The following ADCYAP1R1 variants were observed in gnomAD, a reference collection of about 807,000 sequenced individuals.
ADCYAP1R1 encodes the protein ADCYAP receptor type I.
Under a neutral mutation model 67.6 loss-of-function variants are expected in ADCYAP1R1, and 44 were observed. That is an observed-to-expected ratio of 0.65 (90% CI 0.51 to 0.84). The LOEUF is 0.84. ADCYAP1R1 is among the 40% of genes least tolerant of loss of function. ADCYAP1R1 has a pLI of 0.00. For missense variants in ADCYAP1R1, 477 were observed against 587.9 expected (o/e 0.81, Z 1.95); for synonymous variants, 222 against 219.6 (o/e 1.01, Z -0.10).
Position 31,084,037 on chromosome 7 carries a change from A to T in ADCYAP1R1, c.329-104A>T, listed in dbSNP as rs149789156. ...CTTTCCCCATGCTTCCCAGTTGGTCATAGGGGTTTCCAGGAATTCCCACTG... is the reference window on the plus strand; with the variant it reads ...CTTTCCCCATGCTTCCCAGTTGGTCTTAGGGGTTTCCAGGAATTCCCACTG... On this transcript the variant is annotated intron_variant, in intron 6 of 15. Coordinates refer to ENST00000304166, the MANE Select transcript of ADCYAP1R1 (RefSeq NM_001118.5). The T allele has an allele frequency of 4.2e-4, 388 of 934,598 alleles. 1 individual carries two copies. The African/African-American group carries it at 5.3e-3, about 13-fold the overall frequency. 57.9% of individuals were successfully genotyped at this position (934,598 alleles called of 1,614,324 possible).
chr7:31,103,482 G>A, intron 14 of ADCYAP1R1, 116 bp downstream of exon 14: 1 of 1,431,856 alleles, frequency 7.0e-7, no homozygotes, highest in Non-Finnish European at 9.5e-7. Context: ...CTAGAGTAGA[G>A]GTGATGAGGG....
In ADCYAP1R1 at chr7:31,088,177, C is replaced by T. The variant is rs139915139; in HGVS notation, c.954+481C>T. 4.9e-4 allele frequency among the ~76,000 whole-genome samples: 74 copies of T among 152,336 alleles called. No homozygotes were observed. The Middle Eastern group carries it at 0.014, about 28-fold the overall frequency. ...AATTTTAATGTACATTTCTCCATCTCGCTAGCGTAACTGAGCACTTGTTTC... is the reference window on the plus strand; with the variant it reads ...AATTTTAATGTACATTTCTCCATCTTGCTAGCGTAACTGAGCACTTGTTTC... On this transcript the variant is annotated intron_variant, in intron 12 of 15. Coordinates refer to ENST00000304166, the MANE Select transcript of ADCYAP1R1 (RefSeq NM_001118.5).
chr7:31,101,609 T>C (rs59634555), intron 13 of ADCYAP1R1, among the ~76,000 whole-genome samples: 3,343 of 152,334 alleles, frequency 0.022, 87 homozygotes, highest in East Asian at 0.091. Context: ...AAGCACCCTC[T>C]GTTGCCTTCT....
At chr7:31,069,981 A>G (rs73688752) in intron 3 of ADCYAP1R1, among the ~76,000 whole-genome samples, 1,677 of 152,306 alleles carry the variant, frequency 0.011, 35 homozygotes, top group African/African-American at 0.038. Flanking sequence ...GCCAATACCA[A>G]GTTGGCTCTG....
At position 31,056,133 on chromosome 7, in the gene ADCYAP1R1, A is replaced by T. The variant is rs188870349; in HGVS notation, c.-72+3455A>T. Among the ~76,000 whole-genome samples the T allele has an allele frequency of 1.5e-4, 23 of 152,238 alleles. No individual in the cohort carries two copies. In the East Asian group the frequency reaches 4.3e-3, roughly 28 times the overall value. On this transcript the variant is annotated intron_variant, in intron 1 of 15. Coordinates refer to ENST00000304166, the MANE Select transcript of ADCYAP1R1 (RefSeq NM_001118.5). ...ACAAGACTCGAAACTCACAATGAAC[A>T]TGATGAGACCTGAAACAGCTCCAAG...
At chr7:31,103,637 G>A (rs1796522524) in intron 14 of ADCYAP1R1, among the ~76,000 whole-genome samples, 1 of 152,210 alleles carries the variant, frequency 6.6e-6, no homozygotes, top group Admixed American at 6.5e-5. Context: ...CCAGCAGCCT[G>A]GGGTGCAGGG....
In ADCYAP1R1 at chr7:31,075,824, G is replaced by A. The variant is rs148415839; in HGVS notation, c.158-2167G>A. On this transcript the variant is annotated intron_variant, in intron 3 of 15. Transcript: ENST00000304166. Reference sequence around the variant, plus strand: ...TTTGTGTACCTGTGGTCTCAGTGAGGGGTCCTGAGCCTCTTCACTGAGTAG... The same window carrying A: ...TTTGTGTACCTGTGGTCTCAGTGAGAGGTCCTGAGCCTCTTCACTGAGTAG... 5.9e-3 allele frequency among the ~76,000 whole-genome samples: 891 copies of A among 152,282 alleles called. 8 individuals carry two copies. The highest frequency in any genetic ancestry group is 0.021 in the African/African-American group (853 of 41,552).
chr7:31,107,024 G>A lies in ADCYAP1R1; in HGVS notation c.*340G>A, dbSNP rs544757591. 87 of 267,244 alleles carry A rather than the reference G, an allele frequency of 3.3e-4. No individual in the cohort carries two copies. The highest frequency in any genetic ancestry group is 5.1e-4 in the Non-Finnish European group (73 of 143,448). 16.6% of individuals were successfully genotyped at this position (267,244 alleles called of 1,614,324 possible). ...CCCCACTGTTTCTTGGTCAGCCTCA[G>A]TGATGGCCTGACCCCAGCTGTGAGG... On this transcript the variant is annotated 3_prime_UTR_variant, in exon 16 of 16. Transcript: ENST00000304166.
rs1384486416 is a variant in ADCYAP1R1 at position 31,109,971 on chromosome 7, C to T, written c.*3287C>T. 1 of 152,224 alleles carries T rather than the reference C, an allele frequency of 6.6e-6. No homozygotes were observed. The highest frequency in any genetic ancestry group is 2.0e-4 in the East Asian group (1 of 5,122). 9.4% of individuals were successfully genotyped at this position (152,224 alleles called of 1,614,324 possible). On this transcript the variant is annotated 3_prime_UTR_variant, in exon 16 of 16. Coordinates refer to ENST00000304166, the MANE Select transcript of ADCYAP1R1 (RefSeq NM_001118.5). ...ACAGCGACTCTTCTCTAACCCCACC[C>T]CCTCCAAGCTGGGTTCTTTGTGGAA... is the stretch of plus-strand genomic sequence containing the variant.
At chr7:31,058,827 A>G in intron 1 of ADCYAP1R1, among the ~76,000 whole-genome samples, 1 of 152,094 alleles carries the variant, frequency 6.6e-6, no homozygotes, top group East Asian at 1.9e-4. Flanking sequence ...GGAGTGCACC[A>G]ACTTTGGAGC....
chr7:31,086,025 A>C lies in ADCYAP1R1; in HGVS notation c.670-359A>C, dbSNP rs1317234420. 2.0e-5 allele frequency among the ~76,000 whole-genome samples: 3 copies of C among 152,174 alleles called. No individual in the cohort carries two copies. ...GTATCCCCCCACCTGAAAGGTGTCC[A>C]AATCCTCATTATACCAAGGAGCCTC... On this transcript the variant is annotated intron_variant, in intron 9 of 15. Transcript: ENST00000304166. This position sits in a 1 kb window ranked among gnomAD's most constrained non-coding sequence, Gnocchi z 5.0.
At chr7:31,073,407 T>G (rs557971379) in intron 3 of ADCYAP1R1, among the ~76,000 whole-genome samples, 59 of 152,250 alleles carry the variant, frequency 3.9e-4, no homozygotes, top group African/African-American at 1.4e-3. Flanking sequence ...AAAGGCATCT[T>G]GAAATCTTCC....
rs752162788 is a variant in ADCYAP1R1 at position 31,092,651 on chromosome 7, T to A, written c.962T>A (p.Phe321Tyr). 4 of 1,608,512 alleles carry A rather than the reference T, an allele frequency of 2.5e-6. No individual in the cohort carries two copies. The highest frequency in any genetic ancestry group is 3.4e-6 in the Non-Finnish European group (4 of 1,179,022). ...TTTTTTTTTGCTCCTTAGGTTAACT[T>A]TGTGCTTTTTATTGGCATTATCGTC... ...GPVVGSIMVN[F>Y]VLFIGIIVIL... The change falls in exon 13 of 16, where the codon TTT becomes TAT. Residue 321 changes from phenylalanine to tyrosine, a missense_variant. Transcript: ENST00000304166.
At chr7:31,061,124 G>C (rs1794484467) in intron 1 of ADCYAP1R1, among the ~76,000 whole-genome samples, 1 of 152,244 alleles carries the variant, frequency 6.6e-6, no homozygotes, top group African/African-American at 2.4e-5. Flanking sequence ...ACGTGTTGCT[G>C]GGAGCAAGGA....
chr7:31,088,057 C>T (rs561366844), intron 12 of ADCYAP1R1, among the ~76,000 whole-genome samples: 2 of 152,294 alleles, frequency 1.3e-5, no homozygotes, highest in Admixed American at 6.5e-5. Context: ...TTTATTCCTC[C>T]TCAGGAAGAG....
chr7:31,092,306 T>C (rs1052484383), intron 12 of ADCYAP1R1, among the ~76,000 whole-genome samples: 2 of 151,938 alleles, frequency 1.3e-5, no homozygotes, highest in Admixed American at 6.6e-5. Context: ...CAACTCTCAC[T>C]TCTGCAATAG....
In ADCYAP1R1 at chr7:31,072,139, A is replaced by T. The variant is rs1415061522; in HGVS notation, c.158-5852A>T. ...TCTGCAGCAGTAACAAATCAATCTT[A>T]AAATCTCAGAAACTTAGCACAGTAA... On this transcript the variant is annotated intron_variant, in intron 3 of 15. Coordinates refer to ENST00000304166, the MANE Select transcript of ADCYAP1R1 (RefSeq NM_001118.5). 7.2e-5 allele frequency among the ~76,000 whole-genome samples: 11 copies of T among 152,204 alleles called. No individual in the cohort carries two copies. In the East Asian group the frequency reaches 2.1e-3, roughly 29 times the overall value.
chr7:31,087,105 C>A lies in ADCYAP1R1; in HGVS notation c.884+102C>A, dbSNP rs540169811. 1.1e-5 allele frequency: 14 copies of A among 1,316,922 alleles called. No individual in the cohort carries two copies. In the South Asian group the frequency reaches 1.2e-4, roughly 12 times the overall value. The allele number at this position is 1,316,922 out of a possible 1,614,324, so 81.6% of individuals were successfully genotyped here. On this transcript the variant is annotated intron_variant, in intron 11 of 15. Transcript: ENST00000304166. ...TTCACATGAACTGCCCGCAACAAAC[C>A]ATTCAATGCCAGGCCCAGACTAAAG...
chr7:31,058,242 G>T (rs57465146), intron 1 of ADCYAP1R1, among the ~76,000 whole-genome samples: 2 of 152,004 alleles, frequency 1.3e-5, no homozygotes, highest in Non-Finnish European at 2.9e-5. Flanking sequence ...ATGGCTGGAG[G>T]GTCTCTGAGT....
Sources: gnomAD v4.1 joint callset for allele counts (sites outside exome capture counted in the v4.1 genomes callset) on GRCh38, gnomAD v4.1.1 for gene constraint, Gnocchi (gnomAD v3.1) non-coding constraint, MANE v1.5 for transcripts, NCBI Gene and HGNC (gene_info 2026-07-23, HGNC 2026-07-21) for gene names.